BABAM2: variants seen among roughly 807,000 people sequenced by gnomAD.
BABAM2 encodes BRISC and BRCA1 A complex member 2.
A neutral mutation model predicts 54.7 loss-of-function variants in BABAM2; 31 were observed. The ratio of observed to expected loss-of-function variants is 0.57; its 90% CI spans 0.43 to 0.77. The LOEUF is 0.77. BABAM2 is among the 30% of genes least tolerant of loss of function. BABAM2 has a pLI of 0.00. For missense variants in BABAM2, 364 were observed against 455.8 expected (o/e 0.80, Z 1.83); for synonymous variants, 167 against 162.9 (o/e 1.03, Z -0.19).
At chr2:27,924,763 C>G (rs1176288623) in intron 2 of BABAM2, among the ~76,000 whole-genome samples, 2 of 152,168 alleles carry the variant, frequency 1.3e-5, no homozygotes, top group Non-Finnish European at 2.9e-5. Context: ...AATTAAAGAA[C>G]ATGACCAAAC....
At chr2:28,302,349 G>A (rs4665409) in intron 11 of BABAM2, among the ~76,000 whole-genome samples, 80,400 of 151,198 alleles carry the variant, frequency 0.53, 21,613 homozygotes, top group Middle Eastern at 0.63. Context: ...CCCAGGAGGC[G>A]GAGGTTGCAG....
chr2:28,308,408 G>C (rs1242808348), intron 11 of BABAM2: 1 of 518,214 alleles, frequency 1.9e-6, no homozygotes, highest in Non-Finnish European at 3.8e-6. Context: ...CCCAACCACT[G>C]AGTCAGCCAT....
chr2:27,951,504 T>C (rs1669716126), intron 3 of BABAM2, among the ~76,000 whole-genome samples: 1 of 152,196 alleles, frequency 6.6e-6, no homozygotes, highest in African/African-American at 2.4e-5. Flanking sequence ...TACATCCTTT[T>C]AAATGTATTG....
Position 28,200,771 on chromosome 2 carries a change from TTTG to T in BABAM2, c.681-36428_681-36426del, listed in dbSNP as rs1678179990. On this transcript the variant is annotated intron_variant, in intron 7 of 11. Coordinates refer to ENST00000379624, the MANE Select transcript of BABAM2 (RefSeq NM_199191.3). ...ATCTATGGGGTTTTTTGTTTGTTTG[TTTG>T]TTTGTTTGTTTTGAGACAGAGTCTT... 2.0e-5 allele frequency among the ~76,000 whole-genome samples: 3 copies of T among 151,924 alleles called. 1 individual carries two copies. In the South Asian group the frequency reaches 6.2e-4, roughly 32 times the overall value.
At chr2:28,128,555 C>T (rs548787559) in intron 6 of BABAM2, among the ~76,000 whole-genome samples, 8 of 152,128 alleles carry the variant, frequency 5.3e-5, no homozygotes, top group Non-Finnish European at 1.0e-4. Context: ...TCAGTTCCTG[C>T]TATTCTTGCT....
intron 3 of BABAM2, among the ~76,000 whole-genome samples, chr2:27,941,488 G>A (rs1471058651): frequency 6.6e-6 from 1 of 151,882 alleles, no homozygotes; most frequent in Non-Finnish European, 1.5e-5. Context: ...CCTGGGAGGC[G>A]GAGGTTGCAG....
chr2:27,970,449 C>T (rs1192239386), intron 3 of BABAM2, among the ~76,000 whole-genome samples: 2 of 152,172 alleles, frequency 1.3e-5, no homozygotes, highest in African/African-American at 4.8e-5. Context: ...TCTCTCTACT[C>T]ACATGTATAT....
chr2:28,255,274 C>G (rs888262603), intron 10 of BABAM2, among the ~76,000 whole-genome samples: 7 of 151,954 alleles, frequency 4.6e-5, no homozygotes, highest in African/African-American at 1.7e-4. Flanking sequence ...AGAATCTGAG[C>G]CATTCCGTCT....
chr2:28,266,175 C>T (rs914349629), intron 10 of BABAM2, among the ~76,000 whole-genome samples: 12 of 152,098 alleles, frequency 7.9e-5, no homozygotes, highest in South Asian at 2.1e-4. Flanking sequence ...TTAGTAGAGA[C>T]GAGGTTTCGC....
At chr2:28,078,850 A>G (rs909559354) in intron 6 of BABAM2, among the ~76,000 whole-genome samples, 2 of 152,168 alleles carry the variant, frequency 1.3e-5, no homozygotes, top group Admixed American at 6.5e-5. Context: ...GCATGAAGGC[A>G]TTTCTTATAT....
chr2:28,258,116 G>C (rs747966481), intron 10 of BABAM2, among the ~76,000 whole-genome samples: 6 of 152,154 alleles, frequency 3.9e-5, no homozygotes, highest in Non-Finnish European at 5.9e-5. Context: ...GGTGGAGGTT[G>C]CTGTGAGCTG....
At chr2:28,192,871 T>C (rs1350426078) in intron 7 of BABAM2, among the ~76,000 whole-genome samples, 1 of 151,856 alleles carries the variant, frequency 6.6e-6, no homozygotes, top group Non-Finnish European at 1.5e-5. Context: ...TGAAAATTGC[T>C]CTTAAAAAAT....
chr2:27,986,152 A>C (rs1291765865), intron 3 of BABAM2, among the ~76,000 whole-genome samples: 1 of 152,162 alleles, frequency 6.6e-6, no homozygotes, highest in Non-Finnish European at 1.5e-5. Context: ...CAGTTTGAAA[A>C]GTTTGCTTTT....
At chr2:27,944,999 C>CT (rs879793654) in intron 3 of BABAM2, among the ~76,000 whole-genome samples, 157 of 141,302 alleles carry the variant, frequency 1.1e-3, no homozygotes, top group African/African-American at 2.2e-3. Context: ...TTTGAGCTAC[C>CT]TTTTTTTTTT....
intron 10 of BABAM2, among the ~76,000 whole-genome samples, chr2:28,268,423 T>G (rs1225270024): frequency 1.3e-5 from 2 of 152,190 alleles, no homozygotes; most frequent in Non-Finnish European, 2.9e-5. Flanking sequence ...TTGTGGCTCA[T>G]GTCTTTGTTC....
chr2:28,238,127 G>A (rs1325558788), intron 8 of BABAM2, among the ~76,000 whole-genome samples: 1 of 152,146 alleles, frequency 6.6e-6, no homozygotes, highest in African/African-American at 2.4e-5. Flanking sequence ...TGGGATTACA[G>A]GCGTGAGCCA....
At chr2:27,936,278 G>C (rs901598970) in intron 3 of BABAM2, among the ~76,000 whole-genome samples, 2 of 152,104 alleles carry the variant, frequency 1.3e-5, no homozygotes, top group Non-Finnish European at 2.9e-5. Context: ...GAATGGCAAT[G>C]ATTAAAAAGT....
intron 7 of BABAM2, among the ~76,000 whole-genome samples, chr2:28,152,781 T>C (rs1386286174): frequency 6.6e-6 from 1 of 152,234 alleles, no homozygotes; most frequent in Non-Finnish European, 1.5e-5. Context: ...GAGGTGTGAT[T>C]TGAGCTGAGT....
intron 7 of BABAM2, among the ~76,000 whole-genome samples, chr2:28,184,597 C>T (rs555401996): frequency 4.0e-5 from 6 of 151,258 alleles, no homozygotes; most frequent in South Asian, 4.2e-4. Flanking sequence ...TTTGTCCTTG[C>T]GATAGTTTGC....
Sources: gnomAD v4.1 joint callset for allele counts (sites outside exome capture counted in the v4.1 genomes callset) on GRCh38, gnomAD v4.1.1 for gene constraint, MANE v1.5 for transcripts, NCBI Gene and HGNC (gene_info 2026-07-23, HGNC 2026-07-21) for gene names.